ANO4: variants seen among roughly 807,000 people sequenced by gnomAD.
ANO4 encodes anoctamin-4.
In ANO4, 69 loss-of-function variants were observed where a neutral mutation model predicts 141.9. The ratio of observed to expected loss-of-function variants is 0.49; its 90% CI spans 0.40 to 0.59. The LOEUF (loss-of-function observed/expected upper bound fraction) is 0.59. ANO4 is among the 20% of genes least tolerant of loss of function. The pLI is 0.00. For synonymous variants in ANO4, 350 were observed against 394.3 expected, an observed-to-expected ratio of 0.89 and a Z score of 1.33; for missense variants, 894 against 1,162.2, an observed-to-expected ratio of 0.77 and a Z score of 3.36.
intron 14 of ANO4, among the ~76,000 whole-genome samples, chr12:101,077,876 C>T (rs2049084203): frequency 6.6e-6 from 1 of 152,034 alleles, no homozygotes; most frequent in Non-Finnish European, 1.5e-5. Flanking sequence ...GGATTGTGGA[C>T]CTGTATTACC....
intron 9 of ANO4, among the ~76,000 whole-genome samples, chr12:101,036,394 C>A (rs538133250): frequency 1.3e-5 from 2 of 152,148 alleles, no homozygotes; most frequent in Non-Finnish European, 2.9e-5. Flanking sequence ...GATATCTGCA[C>A]GTCCATGTTC....
intron 1 of ANO4, among the ~76,000 whole-genome samples, chr12:100,729,876 G>C (rs1487501580): frequency 6.6e-6 from 1 of 152,206 alleles, no homozygotes; most frequent in Non-Finnish European, 1.5e-5. Context: ...ATTCAGGCTT[G>C]ATTCAAATTG....
intron 7 of ANO4, among the ~76,000 whole-genome samples, chr12:100,982,097 TA>T (rs1302589430): frequency 6.6e-6 from 1 of 152,154 alleles, no homozygotes; most frequent in Non-Finnish European, 1.5e-5. Flanking sequence ...CAACTTTCTG[TA>T]AAAATAACTC....
In ANO4 at chr12:101,099,630, G is replaced by T. The variant is rs370881866; in HGVS notation, c.2059G>T (p.Glu687Ter). The T allele has an allele frequency of 6.2e-7, 1 of 1,612,042 alleles. No individual in the cohort carries two copies. The highest frequency in any genetic ancestry group is 2.2e-5 in the East Asian group (1 of 44,770). The change falls in exon 22 of 28, where the codon GAA (glutamate) becomes TAA (stop). Residue 687 changes from glutamate (E) to a stop codon, truncating the protein, a stop_gained. Transcript: ENST00000392977. LOFTEE classifies it high-confidence loss of function. ...RRKVRQEHGP[E>*]RKISFPQWEK... Reference sequence around the variant, plus strand: ...AAAAGTACGACAAGAACATGGACCTGAAAGGAAAATAAGTTTCCCACAATG... The same window carrying T: ...AAAAGTACGACAAGAACATGGACCTTAAAGGAAAATAAGTTTCCCACAATG...
Position 101,118,979 on chromosome 12 carries a change from G to A in ANO4, c.2571-1541G>A, listed in dbSNP as rs2050969896. Among the ~76,000 whole-genome samples the A allele has an allele frequency of 3.4e-5, 5 of 147,760 alleles. No homozygotes were observed. The South Asian group carries it at 6.4e-4, about 19-fold the overall frequency. On this transcript the variant is annotated intron_variant, in intron 25 of 27. Transcript: ENST00000392977. Reference sequence around the variant, plus strand: ...GAGAACATGCGGTGTTTGGTTTTTTGTCCTTGAGATAGTTTGCTGAGAATG... The same window carrying A: ...GAGAACATGCGGTGTTTGGTTTTTTATCCTTGAGATAGTTTGCTGAGAATG...
At position 101,099,679 on chromosome 12, in the gene ANO4, C is replaced by T. The variant is rs749894195; in HGVS notation, c.2108C>T (p.Pro703Leu). Residue 703 changes from proline to leucine, a missense_variant, in exon 22 of 28, where the codon CCG becomes CTG. By Grantham distance (98) the Pro-to-Leu change is moderately conservative. Coordinates refer to ENST00000392977, the MANE Select transcript of ANO4 (RefSeq NM_001286615.2). ...TGGGAAAAGGACTATAACCTTCAGC[C>T]GATGAATGCCTATGGACTCTTCGAT... Reference protein sequence around the residue: ...PQWEKDYNLQPMNAYGLFDEY... With the variant: ...PQWEKDYNLQLMNAYGLFDEY... The T allele has an allele frequency of 1.2e-5, 19 of 1,609,854 alleles. No individual in the cohort carries two copies. Among genetic ancestry groups the T allele is most frequent in the East Asian group, 4.5e-5 (2 of 44,738 alleles).
chr12:100,759,959 A>G (rs2032783400), intron 3 of ANO4, among the ~76,000 whole-genome samples: 2 of 152,350 alleles, frequency 1.3e-5, no homozygotes, highest in South Asian at 2.1e-4. Flanking sequence ...GGGCATAAAA[A>G]CAATATGACA....
intron 5 of ANO4, among the ~76,000 whole-genome samples, chr12:100,960,260 GCA>G (rs56705970): frequency 1.3e-5 from 2 of 149,890 alleles, no homozygotes; most frequent in South Asian, 2.1e-4. Flanking sequence ...TCACACACAC[GCA>G]CACACACACA....
At chr12:100,724,408 G>C (rs909411616) in intron 1 of ANO4, among the ~76,000 whole-genome samples, 6 of 152,204 alleles carry the variant, frequency 3.9e-5, no homozygotes, top group African/African-American at 1.4e-4. Context: ...TGCCCTCTGG[G>C]AGTCTGGGTC....
At chr12:100,987,480 G>C in intron 7 of ANO4, 59 bp from the exon 8 acceptor site, 1 of 1,586,188 alleles carries the variant, frequency 6.3e-7, no homozygotes, top group South Asian at 1.2e-5. Context: ...CCTTCCTCCT[G>C]TGTTTCAGGG....
chr12:100,976,120 CT>C (rs1483640440), intron 7 of ANO4, among the ~76,000 whole-genome samples: 42 of 152,160 alleles, frequency 2.8e-4, no homozygotes, highest in African/African-American at 8.2e-4. Context: ...CTTAATTGAT[CT>C]TATGTTTTCA....
At chr12:100,823,361 A>G (rs561388287) in intron 1 of ANO4, among the ~76,000 whole-genome samples, 104 of 152,182 alleles carry the variant, frequency 6.8e-4, no homozygotes, top group African/African-American at 2.4e-3. Context: ...CACAAGAAAG[A>G]AAAGGATTGG....
chr12:100,987,155 C>A, intron 7 of ANO4: 1 of 173,646 alleles, frequency 5.8e-6, no homozygotes, highest in Non-Finnish European at 1.2e-5. Context: ...CAGATGTTTT[C>A]CAAACACAAA....
At chr12:101,116,535 T>C in intron 24 of ANO4, 144 bp from the exon 25 acceptor site, 1 of 1,184,466 alleles carries the variant, frequency 8.4e-7, no homozygotes, top group African/African-American at 1.5e-5. Flanking sequence ...TTCCAGCGTA[T>C]CCCAACCTGA....
Position 100,830,882 on chromosome 12 carries a change from TAA to T in ANO4, c.-141+35856_-141+35857del, listed in dbSNP as rs907984486. On this transcript the variant is annotated intron_variant, in intron 1 of 27. Transcript: ENST00000392977. The stretch of plus-strand genomic sequence containing the variant: ...TTGAGCACAAAAGTGTGGATTTTTT[TAA>T]GTTATTTTTTTCACTTTTAATGAGT... Among the ~76,000 whole-genome samples the T allele has an allele frequency of 6.6e-5, 10 of 152,218 alleles. No homozygotes were observed. The South Asian group carries it at 1.0e-3, about 16-fold the overall frequency.
chr12:101,016,717 C>T (rs557530654), intron 8 of ANO4, among the ~76,000 whole-genome samples: 4 of 152,158 alleles, frequency 2.6e-5, no homozygotes, highest in African/African-American at 4.8e-5. Flanking sequence ...GCCATGTGGG[C>T]GGACAGCTTT....
intron 5 of ANO4, among the ~76,000 whole-genome samples, chr12:100,965,931 G>A (rs145857263): frequency 6.6e-6 from 1 of 151,970 alleles, no homozygotes; most frequent in Non-Finnish European, 1.5e-5. Flanking sequence ...ATCTACTGTG[G>A]TATATCCATC....
intron 1 of ANO4, among the ~76,000 whole-genome samples, chr12:100,893,721 G>T (rs888938013): frequency 1.3e-5 from 2 of 152,110 alleles, no homozygotes; most frequent in Admixed American, 1.3e-4. Context: ...CAAGTCACAT[G>T]GCAGAGAGAA....
At chr12:100,883,546 G>A (rs866548371) in intron 1 of ANO4, among the ~76,000 whole-genome samples, 5 of 152,278 alleles carry the variant, frequency 3.3e-5, no homozygotes, top group Admixed American at 6.5e-5. Flanking sequence ...TGGGATAAGT[G>A]GCCTCTTGTA....
Sources: allele counts gnomAD v4.1 joint callset (sites outside exome capture counted in the v4.1 genomes callset), GRCh38; gene constraint gnomAD v4.1.1; transcripts MANE v1.5; gene names NCBI Gene and HGNC (gene_info 2026-07-23, HGNC 2026-07-21).